Variants in PAPPA2 observed in about 807,000 individuals in gnomAD.
PAPPA2 encodes the protein pappalysin 2, also known as pappalysin-2.
A neutral mutation model predicts 176.4 loss-of-function variants in PAPPA2; 86 were observed. That is an observed-to-expected ratio of 0.49 (90% CI 0.41 to 0.58). The LOEUF (loss-of-function observed/expected upper bound fraction) is 0.58. Among genes scored for constraint, PAPPA2 ranks in the 20% least tolerant of loss-of-function variants. PAPPA2 has a pLI of 0.00. For synonymous variants in PAPPA2, 809 were observed against 852.2 expected, an observed-to-expected ratio of 0.95 and a Z score of 0.88; for missense variants, 2,073 against 2,256.9, an observed-to-expected ratio of 0.92 and a Z score of 1.65.
At chr1:176,828,934 T>C (rs2102981970) in intron 21 of PAPPA2, among the ~76,000 whole-genome samples, 1 of 151,928 alleles carries the variant, frequency 6.6e-6, no homozygotes, top group East Asian at 1.9e-4. Context: ...ACCCAGGAGA[T>C]GGAGGTTGCA....
At chr1:176,755,105 C>A (rs2102892777) in intron 14 of PAPPA2, among the ~76,000 whole-genome samples, 1 of 152,202 alleles carries the variant, frequency 6.6e-6, no homozygotes, top group South Asian at 2.1e-4. Context: ...GAACTGAAGA[C>A]AATAATATTC....
intron 17 of PAPPA2, among the ~76,000 whole-genome samples, chr1:176,781,110 G>A (rs1664691454): frequency 6.6e-6 from 1 of 152,130 alleles, no homozygotes; most frequent in African/African-American, 2.4e-5. Context: ...ACGAGGAAAG[G>A]AGATGTAGAT....
At chr1:176,785,323 A>T (rs991090514) in intron 17 of PAPPA2, among the ~76,000 whole-genome samples, 2 of 152,084 alleles carry the variant, frequency 1.3e-5, no homozygotes, top group Non-Finnish European at 2.9e-5. Context: ...AGCCCTCACT[A>T]TTGGGCCCCG....
At chr1:176,565,058 T>C (rs1651885958) in intron 2 of PAPPA2, among the ~76,000 whole-genome samples, 1 of 152,234 alleles carries the variant, frequency 6.6e-6, no homozygotes. Context: ...TGATCTTTTG[T>C]GGCTGGCTTC....
intron 14 of PAPPA2, among the ~76,000 whole-genome samples, chr1:176,746,107 G>C (rs1662893574): frequency 1.3e-5 from 2 of 152,234 alleles, no homozygotes; most frequent in South Asian, 4.1e-4. Flanking sequence ...CATGGCTGGA[G>C]AAGCAAGGAC....
intron 1 of PAPPA2, among the ~76,000 whole-genome samples, chr1:176,523,602 G>A (rs1485312718): frequency 6.6e-6 from 1 of 152,192 alleles, no homozygotes; most frequent in Non-Finnish European, 1.5e-5. Flanking sequence ...GAGATAGTGA[G>A]TGGTCTCTTT....
chr1:176,786,755 TA>T, intron 17 of PAPPA2, among the ~76,000 whole-genome samples: 1 of 152,314 alleles, frequency 6.6e-6, no homozygotes, highest in South Asian at 2.1e-4. Context: ...GTGTTTTGAA[TA>T]AGCTTTAATT....
At chr1:176,725,606 G>C (rs1558544678) in intron 12 of PAPPA2, among the ~76,000 whole-genome samples, 2 of 152,094 alleles carry the variant, frequency 1.3e-5, no homozygotes, top group Non-Finnish European at 2.9e-5. Flanking sequence ...GAAAGAACCT[G>C]GTAACTGATT....
intron 3 of PAPPA2, among the ~76,000 whole-genome samples, chr1:176,618,521 GTTTA>G (rs1655404607): frequency 6.6e-6 from 1 of 152,204 alleles, no homozygotes; most frequent in African/African-American, 2.4e-5. Context: ...GCTTTTGCCA[GTTTA>G]TTTCTCTGTA....
chr1:176,739,600 T>C, intron 12 of PAPPA2, 26 bp from the exon 13 acceptor site: 1 of 1,602,624 alleles, frequency 6.2e-7, no homozygotes, highest in South Asian at 1.1e-5. Flanking sequence ...AAATAATGAC[T>C]TATACATAAA....
At chr1:176,580,241 A>G (rs960885127) in intron 2 of PAPPA2, among the ~76,000 whole-genome samples, 5 of 152,220 alleles carry the variant, frequency 3.3e-5, no homozygotes, top group African/African-American at 1.2e-4. Flanking sequence ...GCTTCTGCAT[A>G]TGAATGAGAA....
rs772869498 is a variant in PAPPA2 at position 176,842,336 on chromosome 1, T to C, written c.5302-44T>C. 3.3e-6 allele frequency: 5 copies of C among 1,530,052 alleles called. No individual in the cohort carries two copies. The Admixed American group carries it at 8.4e-5, about 26-fold the overall frequency. 94.8% of individuals were successfully genotyped at this position (1,530,052 alleles called of 1,614,324 possible). A position where few individuals can be genotyped will look rare whatever the true frequency, so the allele number is the denominator to read the frequency against. ...GAAAGCTCGTTTAAAAGTGTGAAGC[T>C]ATCACAGAAATGAGCTATTTCTACT... On this transcript the variant is annotated intron_variant, in intron 22 of 22. Coordinates refer to ENST00000367662, the MANE Select transcript of PAPPA2 (RefSeq NM_020318.3).
At chr1:176,739,495 G>A in intron 12 of PAPPA2, 131 bp from the exon 13 acceptor site, 1 of 906,490 alleles carries the variant, frequency 1.1e-6, no homozygotes, top group South Asian at 2.1e-5. Context: ...CATATTTTTA[G>A]CATTTATAAA....
chr1:176,743,590 C>T (rs1662779936), intron 14 of PAPPA2, among the ~76,000 whole-genome samples: 1 of 152,150 alleles, frequency 6.6e-6, no homozygotes. Context: ...GTGTTGATGG[C>T]TTTGGGAAGT....
rs895185784 is a variant in PAPPA2, at chr1:176,610,348, G to A, written c.1991+14753G>A. Among the ~76,000 whole-genome samples the A allele has an allele frequency of 9.8e-4, 134 of 136,604 alleles. 1 individual carries two copies. Among genetic ancestry groups the A allele is most frequent in the African/African-American group, 3.0e-3 (119 of 39,796 alleles). 89.6% of individuals were successfully genotyped at this position (136,604 alleles called of 152,430 possible). A position where few individuals can be genotyped will look rare whatever the true frequency, so the allele number is the denominator to read the frequency against. ...TTAATGCTGCAAAGTTGTGTGTGGG[G>A]GGGGGGAGTAGGATTTATAGGAATG... On this transcript the variant is annotated intron_variant, in intron 3 of 22. Coordinates refer to ENST00000367662, the MANE Select transcript of PAPPA2 (RefSeq NM_020318.3).
At chr1:176,766,624 A>G (rs758261815) in intron 15 of PAPPA2, among the ~76,000 whole-genome samples, 18 of 152,250 alleles carry the variant, frequency 1.2e-4, no homozygotes, top group Non-Finnish European at 2.2e-4. Flanking sequence ...AATGATAGGT[A>G]CATAGCACTC....
chr1:176,671,162 C>T lies in PAPPA2; in HGVS notation c.2137+47C>T. 4.4e-6 allele frequency: 7 copies of T among 1,596,740 alleles called. No individual in the cohort carries two copies. The East Asian group carries it at 1.3e-4, about 31-fold the overall frequency. The stretch of plus-strand genomic sequence containing the variant: ...CATAGTAGGAAAAAAACAAAGAAGG[C>T]TGAAGGAAGCTTGCGAAAGTAAGTT... On this transcript the variant is annotated intron_variant, in intron 4 of 22. Transcript: ENST00000367662.
intron 2 of PAPPA2, among the ~76,000 whole-genome samples, chr1:176,570,206 C>T (rs1235765013): frequency 6.6e-6 from 1 of 152,192 alleles, no homozygotes; most frequent in Non-Finnish European, 1.5e-5. Context: ...CCACTGGGGG[C>T]CAAGAAACTC....
intron 6 of PAPPA2, among the ~76,000 whole-genome samples, chr1:176,693,263 G>A (rs1660209053): frequency 6.6e-6 from 1 of 152,152 alleles, no homozygotes; most frequent in Non-Finnish European, 1.5e-5. Flanking sequence ...ACTTGCACTT[G>A]TCTTATTTAG....
Sources: allele counts gnomAD v4.1 joint callset (sites outside exome capture counted in the v4.1 genomes callset), GRCh38; gene constraint gnomAD v4.1.1; transcripts MANE v1.5; gene names NCBI Gene and HGNC (gene_info 2026-07-23, HGNC 2026-07-21).